Variants in RIN3 observed in about 807,000 individuals in gnomAD.
RIN3 encodes RAB5 interacting protein 3.
RIN3 carries 54 observed loss-of-function variants against 76.3 expected under a neutral mutation model. The observed-to-expected ratio is 0.71, with a 90% CI of 0.57 to 0.89. The LOEUF (loss-of-function observed/expected upper bound fraction) is 0.89, where lower values mean the gene tolerates loss of function less well. Among genes scored for constraint, RIN3 ranks in the 40% least tolerant of loss-of-function variants. The probability of loss-of-function intolerance (pLI) is 0.00; values close to 1 mark genes in which losing one functional copy is unlikely to be tolerated. For missense variants in RIN3, 1,256 were observed against 1,322.1 expected, an observed-to-expected ratio of 0.95 and a Z score of 0.78; for synonymous variants, 576 against 564.0, an observed-to-expected ratio of 1.02 and a Z score of -0.30.
chr14:92,687,748 G>A, intron 9 of RIN3, 178 bp from the exon 10 acceptor site: 2 of 564,710 alleles, frequency 3.5e-6, no homozygotes, highest in South Asian at 4.6e-5. Context: ...AAGCCAGGCA[G>A]GGAGGGGGAC....
At chr14:92,590,392 C>A (rs1164577654) in intron 3 of RIN3, among the ~76,000 whole-genome samples, 1 of 152,148 alleles carries the variant, frequency 6.6e-6, no homozygotes, top group Non-Finnish European at 1.5e-5. Flanking sequence ...TCCCTCATGG[C>A]TTGATGCTAT....
At chr14:92,663,930 C>T (rs1887977302) in intron 7 of RIN3, among the ~76,000 whole-genome samples, 1 of 152,178 alleles carries the variant, frequency 6.6e-6, no homozygotes, top group Admixed American at 6.5e-5. Context: ...TCCTGAGCCT[C>T]GGTTTTCCCA....
intron 5 of RIN3, among the ~76,000 whole-genome samples, chr14:92,642,881 C>T (rs1238016931): frequency 1.3e-5 from 2 of 152,140 alleles, no homozygotes; most frequent in African/African-American, 4.8e-5. Flanking sequence ...ATTGGCTCGT[C>T]GCAGCTTCAA....
intron 7 of RIN3, among the ~76,000 whole-genome samples, chr14:92,666,167 G>A (rs1888093495): frequency 6.6e-6 from 1 of 151,880 alleles, no homozygotes; most frequent in African/African-American, 2.4e-5. Flanking sequence ...TCACCTCCAG[G>A]GAAGATGCCT....
At chr14:92,659,615 G>C (rs1331737334) in intron 7 of RIN3, 146 bp downstream of exon 7, 1 of 716,600 alleles carries the variant, frequency 1.4e-6, no homozygotes, top group African/African-American at 1.8e-5. Context: ...AGTGTGGGTG[G>C]GGTGTAATTC....
intron 3 of RIN3, among the ~76,000 whole-genome samples, chr14:92,609,893 G>A (rs1566866475): frequency 3.5e-5 from 5 of 144,276 alleles, no homozygotes; most frequent in Admixed American, 2.9e-4. Context: ...GTGTATGTAT[G>A]TGTGTTTCTG....
chr14:92,683,151 G>A (rs1258180746), intron 8 of RIN3, among the ~76,000 whole-genome samples: 1 of 151,464 alleles, frequency 6.6e-6, no homozygotes, highest in African/African-American at 2.4e-5. Flanking sequence ...TGGGCAACAA[G>A]AGCGAAACTC....
intron 1 of RIN3, among the ~76,000 whole-genome samples, chr14:92,527,668 AG>A (rs59463633): frequency 0.075 from 11,443 of 152,158 alleles, 1,461 homozygotes; most frequent in African/African-American, 0.26. Flanking sequence ...TTTTGTAGTC[AG>A]GACCTCTTCC....
intron 7 of RIN3, among the ~76,000 whole-genome samples, chr14:92,664,720 C>T (rs1267549953): frequency 6.6e-6 from 1 of 152,132 alleles, no homozygotes; most frequent in Admixed American, 6.5e-5. Context: ...GTCTGAATAG[C>T]GTAAGGGTAA....
chr14:92,630,908 A>G (rs895228768), intron 4 of RIN3, among the ~76,000 whole-genome samples: 1 of 152,134 alleles, frequency 6.6e-6, no homozygotes, highest in Admixed American at 6.5e-5. Context: ...TGCCTCCCCC[A>G]TCAAGGGGAT....
chr14:92,539,987 C>T (rs1004741957), intron 1 of RIN3, among the ~76,000 whole-genome samples: 3 of 152,192 alleles, frequency 2.0e-5, no homozygotes, highest in Non-Finnish European at 4.4e-5. Context: ...GGCCTCCACA[C>T]GTTGGGGTCA....
intron 2 of RIN3, among the ~76,000 whole-genome samples, chr14:92,564,723 C>T (rs1025036710): frequency 2.6e-5 from 4 of 152,128 alleles, no homozygotes; most frequent in Admixed American, 2.6e-4. Context: ...GTGGCAAGAG[C>T]CCAGCAGTTT....
At chr14:92,570,752 G>A (rs766698078) in intron 2 of RIN3, among the ~76,000 whole-genome samples, 29 of 152,184 alleles carry the variant, frequency 1.9e-4, no homozygotes, top group South Asian at 4.2e-4. Flanking sequence ...GGGAGACACC[G>A]ACTCCAAATG....
chr14:92,637,183 A>C (rs1265413105), intron 4 of RIN3, among the ~76,000 whole-genome samples: 1 of 152,086 alleles, frequency 6.6e-6, no homozygotes, highest in Admixed American at 6.6e-5. Flanking sequence ...GCAACTCACC[A>C]TCATGTAGTA....
At chr14:92,651,545 C>T (rs1183449337) in intron 5 of RIN3, 37 bp from the exon 6 acceptor site, 1 of 1,351,632 alleles carries the variant, frequency 7.4e-7, no homozygotes, top group Admixed American at 2.0e-5. Flanking sequence ...TAGTCCCTGG[C>T]ACAGACTGAC....
chr14:92,521,569 C>T (rs191912779), intron 1 of RIN3, among the ~76,000 whole-genome samples: 13 of 152,184 alleles, frequency 8.5e-5, no homozygotes, highest in Non-Finnish European at 1.8e-4. Context: ...CTGCTCTCTC[C>T]CTCTTGCTGC....
chr14:92,654,206 C>T (rs1595487822), intron 6 of RIN3, among the ~76,000 whole-genome samples: 2 of 150,778 alleles, frequency 1.3e-5, no homozygotes, highest in Admixed American at 6.6e-5. Context: ...CCCAGCTACT[C>T]GGGAGGCTGA....
chr14:92,535,640 A>G (rs1595395082), intron 1 of RIN3, among the ~76,000 whole-genome samples: 2 of 139,738 alleles, frequency 1.4e-5, no homozygotes, highest in African/African-American at 5.4e-5. Flanking sequence ...TCCACCTTTT[A>G]AATTAGGACA....
In RIN3 at chr14:92,688,537, C is replaced by T; in HGVS notation, c.*285C>T. 2.1e-6 allele frequency: 1 copy of T among 487,418 alleles called. No homozygotes were observed. The highest frequency in any genetic ancestry group is 3.7e-6 in the Non-Finnish European group (1 of 273,524). The allele number at this position is 487,418 out of a possible 1,614,324, so 30.2% of individuals were successfully genotyped here. A position where few individuals can be genotyped will look rare whatever the true frequency, so the allele number is the denominator to read the frequency against. ...AGGCGCTCCAGGCCGCTGCAGCCAA[C>T]AAACCGGCGCCCTCTTCACACGTAG... is the stretch of plus-strand genomic sequence containing the variant. On this transcript the variant is annotated 3_prime_UTR_variant, in exon 10 of 10. Transcript: ENST00000216487.
Sources: gnomAD v4.1 joint callset for allele counts (sites outside exome capture counted in the v4.1 genomes callset) on GRCh38, gnomAD v4.1.1 for gene constraint, MANE v1.5 for transcripts, NCBI Gene and HGNC (gene_info 2026-07-23, HGNC 2026-07-21) for gene names.